The following BSDC1 variants were observed in gnomAD, a reference collection of about 807,000 sequenced individuals.
BSDC1 encodes BSD domain containing 1.
Under a neutral mutation model 56.0 loss-of-function variants are expected in BSDC1, and 29 were observed. That is an observed-to-expected ratio of 0.52 (90% CI 0.39 to 0.71). BSDC1 has a LOEUF of 0.71. Among genes scored for constraint, BSDC1 ranks in the 30% least tolerant of loss-of-function variants. The probability of loss-of-function intolerance (pLI) is 0.00; values close to 1 mark genes in which losing one functional copy is unlikely to be tolerated. For synonymous variants in BSDC1, 210 were observed against 215.3 expected (o/e 0.98, Z 0.21); for missense variants, 477 against 548.5 (o/e 0.87, Z 1.30).
At position 32,364,838 on chromosome 1, in the gene BSDC1, A is replaced by G. The variant is rs1168378378; in HGVS notation, c.*1784T>C. Among the ~76,000 whole-genome samples the G allele has an allele frequency of 6.6e-6, 1 of 152,246 alleles. No homozygotes were observed. Among genetic ancestry groups the G allele is most frequent in the African/African-American group, 2.4e-5 (1 of 41,470 alleles). Reference sequence around the variant, plus strand: ...AAAATGACCAAGAGCAACTGAAGCCATTCTTGTTGCAACTTCCTTTCCAAA... The same window carrying G: ...AAAATGACCAAGAGCAACTGAAGCCGTTCTTGTTGCAACTTCCTTTCCAAA... On this transcript the variant is annotated 3_prime_UTR_variant, in exon 11 of 11. Transcript: ENST00000455895.
chr1:32,386,140 C>A (rs943679554), intron 3 of BSDC1, among the ~76,000 whole-genome samples: 4 of 151,838 alleles, frequency 2.6e-5, no homozygotes, highest in Non-Finnish European at 5.9e-5. Flanking sequence ...TAACACGGTG[C>A]ACCCCGTCTC....
chr1:32,386,060 C>T (rs949854186), intron 3 of BSDC1, among the ~76,000 whole-genome samples: 1 of 152,180 alleles, frequency 6.6e-6, no homozygotes, highest in South Asian at 2.1e-4. Flanking sequence ...TGGCTCACGC[C>T]TGTAGTCCCA....
chr1:32,378,177 G>C lies in BSDC1; in HGVS notation c.597+38C>G, dbSNP rs374773298. 1 of 1,610,232 alleles carries C rather than the reference G, an allele frequency of 6.2e-7. No homozygotes were observed. The highest frequency in any genetic ancestry group is 2.2e-5 in the East Asian group (1 of 44,868). On this transcript the variant is annotated intron_variant, in intron 7 of 10. Coordinates refer to ENST00000455895, the MANE Select transcript of BSDC1 (RefSeq NM_018045.8). This position sits in a 1 kb window ranked among gnomAD's most constrained non-coding sequence, Gnocchi z 5.2. Reference sequence around the variant, plus strand: ...CAATAAATCCAGCCTGCTTCCCCCAGGGTTGAGTGGGGACCTCCCCATGCT... The same window carrying C: ...CAATAAATCCAGCCTGCTTCCCCCACGGTTGAGTGGGGACCTCCCCATGCT...
chr1:32,368,346 G>A lies in BSDC1; in HGVS notation c.1260+101C>T, dbSNP rs1427849596. 15 of 1,613,838 alleles carry A rather than the reference G, an allele frequency of 9.3e-6. No individual in the cohort carries two copies. The African/African-American group carries it at 9.3e-5, about 10-fold the overall frequency. On this transcript the variant is annotated intron_variant, in intron 10 of 10. Coordinates refer to ENST00000455895, the MANE Select transcript of BSDC1 (RefSeq NM_018045.8). ...TCCCACCACCTGTCACCTCAGACAG[G>A]AGCAGGGACCCTCCTGAGGGGACAG...
chr1:32,379,731 C>T (rs1028778900), intron 5 of BSDC1, among the ~76,000 whole-genome samples: 2 of 152,186 alleles, frequency 1.3e-5, no homozygotes, highest in African/African-American at 4.8e-5. Flanking sequence ...GCTGAGGCTA[C>T]GGGCACGCCA....
At chr1:32,368,248 C>T (rs575585882) in intron 10 of BSDC1, 199 bp downstream of exon 10, 1 of 1,506,778 alleles carries the variant, frequency 6.6e-7, no homozygotes, top group African/African-American at 1.4e-5. Context: ...CCTCTATCCA[C>T]CCTGGAACTG....
Position 32,378,789 on chromosome 1 carries a change from T to C in BSDC1, c.463A>G (p.Lys155Glu), listed in dbSNP as rs1383668137. 6.4e-6 allele frequency: 10 copies of C among 1,550,908 alleles called. No individual in the cohort carries two copies. The highest frequency in any genetic ancestry group is 1.2e-5 in the South Asian group (1 of 83,212). Residue 155 changes from lysine (K) to glutamate (E), a missense_variant, in exon 6 of 11, where the codon AAG becomes GAG. Lys to Glu is a moderately conservative substitution (Grantham distance 56). Transcript: ENST00000455895. The surrounding 1 kb of genome is among the most constrained non-coding windows in gnomAD (Gnocchi z 5.2). The stretch of plus-strand genomic sequence containing the variant: ...AGGAGCTCTGAGATCTCCCCCTTCT[T>C]CTCCTCCAAGCAGAACTGGGAAAGC... Reference protein sequence around the residue: ...AWLSQFCLEEKKGEISELLVG... With the variant: ...AWLSQFCLEEEKGEISELLVG...
chr1:32,392,748 C>T (rs1324470186), intron 2 of BSDC1, among the ~76,000 whole-genome samples: 1 of 152,116 alleles, frequency 6.6e-6, no homozygotes, highest in Non-Finnish European at 1.5e-5. Context: ...CCAGGAGTAC[C>T]CAGGATAAGG....
intron 3 of BSDC1, among the ~76,000 whole-genome samples, chr1:32,384,812 A>G (rs1642610539): frequency 6.6e-6 from 1 of 152,214 alleles, no homozygotes; most frequent in South Asian, 2.1e-4. Context: ...AGAACCTATC[A>G]TAGTGCCTGG....
intron 2 of BSDC1, among the ~76,000 whole-genome samples, chr1:32,388,455 T>A (rs947394195): frequency 3.3e-5 from 5 of 152,196 alleles, no homozygotes; most frequent in Non-Finnish European, 7.3e-5. Context: ...TGCCACCATC[T>A]TAGTCCAGGC....
intron 9 of BSDC1, among the ~76,000 whole-genome samples, chr1:32,370,360 A>G (rs1446827066): frequency 6.6e-6 from 1 of 152,194 alleles, no homozygotes; most frequent in Non-Finnish European, 1.5e-5. Context: ...GTATATTAAT[A>G]GAGGAGTTAG....
At chr1:32,394,201 G>A (rs1184853378) in intron 1 of BSDC1, 61 bp from the exon 2 acceptor site, 6 of 1,582,672 alleles carry the variant, frequency 3.8e-6, no homozygotes, top group African/African-American at 1.3e-5. Flanking sequence ...CCAAGGATCC[G>A]GTTTGTTCCC....
chr1:32,386,549 G>T, intron 3 of BSDC1: 1 of 396,090 alleles, frequency 2.5e-6, no homozygotes, highest in Non-Finnish European at 4.5e-6. Flanking sequence ...GAATGACTTT[G>T]CTAATGGAAA....
At chr1:32,386,018 A>G (rs1015577015) in intron 3 of BSDC1, among the ~76,000 whole-genome samples, 4 of 152,120 alleles carry the variant, frequency 2.6e-5, no homozygotes, top group Non-Finnish European at 5.9e-5. Flanking sequence ...TAAGGTTTGC[A>G]GTTTAAGTAA....
chr1:32,384,046 A>T, intron 3 of BSDC1, 49 bp from the exon 4 acceptor site: 1 of 1,611,704 alleles, frequency 6.2e-7, no homozygotes, highest in East Asian at 2.2e-5. Context: ...AACAGGCTGC[A>T]ATCTGGGGTA....
At chr1:32,373,526 T>G (rs1470041339) in intron 9 of BSDC1, among the ~76,000 whole-genome samples, 1 of 152,154 alleles carries the variant, frequency 6.6e-6, no homozygotes, top group African/African-American at 2.4e-5. Context: ...TTTCTTTTCT[T>G]TCCTATTTTT....
chr1:32,390,040 A>C (rs996387460), intron 2 of BSDC1, among the ~76,000 whole-genome samples: 2 of 152,150 alleles, frequency 1.3e-5, no homozygotes, highest in Non-Finnish European at 2.9e-5. Context: ...GACGTCTACA[A>C]GCATTACAGT....
In BSDC1 at chr1:32,383,810, G is replaced by A; in HGVS notation, c.357+20C>T. ...GGTTACAGATGTTAGGCATCTGCAG[G>A]GGAGACTGTCAGTGAATACCTTGGT... On this transcript the variant is annotated intron_variant, in intron 4 of 10. Transcript: ENST00000455895. The A allele has an allele frequency of 2.5e-6, 4 of 1,610,280 alleles. No homozygotes were observed. The highest frequency in any genetic ancestry group is 3.4e-6 in the Non-Finnish European group (4 of 1,178,306).
chr1:32,388,957 CTTTTTTT>C (rs756507594), intron 2 of BSDC1, among the ~76,000 whole-genome samples: 1 of 141,272 alleles, frequency 7.1e-6, no homozygotes, highest in Non-Finnish European at 1.6e-5. Flanking sequence ...TCTTTTTTTT[CTTTTTTT>C]TTTTTTTTGA....
Sources: gnomAD v4.1 joint callset for allele counts (sites outside exome capture counted in the v4.1 genomes callset) on GRCh38, gnomAD v4.1.1 for gene constraint, Gnocchi (gnomAD v3.1) non-coding constraint, MANE v1.5 for transcripts, NCBI Gene and HGNC (gene_info 2026-07-23, HGNC 2026-07-21) for gene names.